SNX10: variants seen among roughly 807,000 people sequenced by gnomAD.
SNX10 encodes sorting nexin 10.
A neutral mutation model predicts 28.5 loss-of-function variants in SNX10; 25 were observed. That is an observed-to-expected ratio of 0.88 (90% CI 0.64 to 1.22). The LOEUF (loss-of-function observed/expected upper bound fraction) is 1.22, where lower values mean the gene tolerates loss of function less well. Ranked by LOEUF, SNX10 falls within the 50% of genes most tolerant of loss-of-function variation. The pLI, the probability that SNX10 is intolerant of heterozygous loss-of-function variation, is 0.00. For missense variants in SNX10, 223 were observed against 242.6 expected (o/e 0.92, Z 0.54); for synonymous variants, 62 against 81.4 (o/e 0.76, Z 1.28).
chr7:26,372,764 C>T lies in SNX10; in HGVS notation c.*192C>T, dbSNP rs930567655. ...ATTTTAGGTAAGCTTCTGTGTAAAG[C>T]TAAAAATCCTGTGAATACAATACTA... On this transcript the variant is annotated 3_prime_UTR_variant, in exon 7 of 7. Coordinates refer to ENST00000338523, the MANE Select transcript of SNX10 (RefSeq NM_013322.3). 5.1e-5 allele frequency: 26 copies of T among 510,616 alleles called. No individual in the cohort carries two copies. Among genetic ancestry groups the T allele is most frequent in the Admixed American group, 2.0e-4 (6 of 29,480 alleles). The allele number at this position is 510,616 out of a possible 1,614,324, so 31.6% of individuals were successfully genotyped here.
chr7:26,358,826 A>ATTTTTTTTTTTTTTTTT (rs1788948775), intron 2 of SNX10, among the ~76,000 whole-genome samples: 1 of 36,966 alleles, frequency 2.7e-5, no homozygotes, highest in African/African-American at 1.2e-4. Flanking sequence ...TTTTTTTTTG[A>ATTTTTTTTTTTTTTTTT]CCAAGTCTTG....
Position 26,354,989 on chromosome 7 carries a change from G to A in SNX10, c.25-5986G>A, listed in dbSNP as rs1052904577. Among the ~76,000 whole-genome samples, 6 of 152,166 alleles carry A rather than the reference G, an allele frequency of 3.9e-5. No individual in the cohort carries two copies. In the East Asian group the frequency reaches 1.2e-3, roughly 29 times the overall value. ...TTTGTGTTTGACATTTACATCTGTGGTTTGGTTGGTGTTGATTTTTGTATA... is the reference window on the plus strand; with the variant it reads ...TTTGTGTTTGACATTTACATCTGTGATTTGGTTGGTGTTGATTTTTGTATA... On this transcript the variant is annotated intron_variant, in intron 2 of 6. Coordinates refer to ENST00000338523, the MANE Select transcript of SNX10 (RefSeq NM_013322.3).
intron 2 of SNX10, among the ~76,000 whole-genome samples, chr7:26,351,587 G>A (rs1189530566): frequency 1.3e-5 from 2 of 151,388 alleles, no homozygotes; most frequent in Non-Finnish European, 2.9e-5. Flanking sequence ...ATCTCGAGTG[G>A]GATCCTGGAA....
chr7:26,354,788 C>T (rs377656132), intron 2 of SNX10, among the ~76,000 whole-genome samples: 7 of 152,176 alleles, frequency 4.6e-5, no homozygotes, highest in African/African-American at 7.2e-5. Flanking sequence ...ACCTTATTCA[C>T]GGCATCTTTT....
At position 26,332,589 on chromosome 7, in the gene SNX10, A is replaced by G. The variant is rs73283392; in HGVS notation, c.-23-13831A>G. Among the ~76,000 whole-genome samples the G allele has an allele frequency of 8.3e-3, 1,258 of 152,194 alleles. 18 individuals are homozygous for G. The highest frequency in any genetic ancestry group is 0.029 in the African/African-American group (1,186 of 41,522). On this transcript the variant is annotated intron_variant, in intron 1 of 6. Transcript: ENST00000338523. Reference sequence around the variant, plus strand: ...CATTTTTATGAAGCCTAATTTACCTATTTTTTTGTTGTTGTTGCTCATGCT... The same window carrying G: ...CATTTTTATGAAGCCTAATTTACCTGTTTTTTTGTTGTTGTTGCTCATGCT...
chr7:26,355,633 TA>T (rs1788789908), intron 2 of SNX10, among the ~76,000 whole-genome samples: 1 of 152,206 alleles, frequency 6.6e-6, no homozygotes, highest in African/African-American at 2.4e-5. Context: ...TACAAAGCTT[TA>T]AGAAGCCAGA....
chr7:26,306,976 CAA>C (rs1279739304), intron 1 of SNX10, among the ~76,000 whole-genome samples: 1 of 152,220 alleles, frequency 6.6e-6, no homozygotes. Flanking sequence ...GGTCTGGAGT[CAA>C]ATGCCTCACA....
At chr7:26,353,460 T>TGGGGG (rs371699790) in intron 2 of SNX10, among the ~76,000 whole-genome samples, 5 of 83,438 alleles carry the variant, frequency 6.0e-5, no homozygotes, top group East Asian at 3.5e-4. Flanking sequence ...TTTTTTTTTT[T>TGGGGG]GGTGGGGAGA....
At chr7:26,316,197 A>AT (rs1554351893) in intron 1 of SNX10, among the ~76,000 whole-genome samples, 1 of 150,782 alleles carries the variant, frequency 6.6e-6, no homozygotes, top group Non-Finnish European at 1.5e-5. Context: ...AAAAAAAAAA[A>AT]CAAAAAACCT....
At chr7:26,309,635 C>T (rs548422593) in intron 1 of SNX10, among the ~76,000 whole-genome samples, 1 of 152,300 alleles carries the variant, frequency 6.6e-6, no homozygotes, top group South Asian at 2.1e-4. Context: ...GAACTCTACC[C>T]CCAACCTTCA....
chr7:26,322,704 C>T (rs1787355421), intron 1 of SNX10, among the ~76,000 whole-genome samples: 1 of 152,038 alleles, frequency 6.6e-6, no homozygotes, highest in Non-Finnish European at 1.5e-5. Flanking sequence ...GGTCATTTTG[C>T]AGAATAAACA....
At chr7:26,345,300 G>C (rs544501723) in intron 1 of SNX10, among the ~76,000 whole-genome samples, 1 of 152,268 alleles carries the variant, frequency 6.6e-6, no homozygotes, top group East Asian at 1.9e-4. Context: ...CTGGACCATA[G>C]GGCACGCTTT....
chr7:26,370,989 A>G (rs1789506118), intron 5 of SNX10, among the ~76,000 whole-genome samples: 1 of 152,204 alleles, frequency 6.6e-6, no homozygotes, highest in South Asian at 2.1e-4. Flanking sequence ...TAAGATGTGC[A>G]TTTCAGAGAA....
chr7:26,357,861 G>A (rs1225717541), intron 2 of SNX10, among the ~76,000 whole-genome samples: 2 of 152,052 alleles, frequency 1.3e-5, no homozygotes, highest in African/African-American at 2.4e-5. Flanking sequence ...TGGACATGGC[G>A]TGCTCAAGGG....
chr7:26,343,562 T>C (rs1017975807), intron 1 of SNX10, among the ~76,000 whole-genome samples: 1 of 152,222 alleles, frequency 6.6e-6, no homozygotes, highest in Non-Finnish European at 1.5e-5. Context: ...ACCAGGGGAC[T>C]GCACAGCACG....
At chr7:26,321,567 C>T (rs1787309014) in intron 1 of SNX10, among the ~76,000 whole-genome samples, 1 of 152,180 alleles carries the variant, frequency 6.6e-6, no homozygotes, top group African/African-American at 2.4e-5. Context: ...CCTGCCTTGG[C>T]CACGTGTTCC....
chr7:26,302,570 C>T (rs1460149741), intron 1 of SNX10, among the ~76,000 whole-genome samples: 1 of 152,184 alleles, frequency 6.6e-6, no homozygotes, highest in East Asian at 1.9e-4. Context: ...GCCCAGGACC[C>T]TCGGGTAATA....
intron 1 of SNX10, among the ~76,000 whole-genome samples, chr7:26,292,288 T>C (rs1785955057): frequency 6.6e-6 from 1 of 151,668 alleles, no homozygotes; most frequent in African/African-American, 2.4e-5. Flanking sequence ...CAGGGAGAAA[T>C]GATCAGCGCG....
In SNX10 at chr7:26,339,464, C is replaced by T. The variant is rs114151142; in HGVS notation, c.-23-6956C>T. Among the ~76,000 whole-genome samples, 1,246 of 151,340 alleles carry T rather than the reference C, an allele frequency of 8.2e-3. 18 individuals are homozygous for T. The highest frequency in any genetic ancestry group is 0.029 in the African/African-American group (1,178 of 41,202). ...TGCAATTTTCTTACATGCCAGGTTG[C>T]ACAGTGGTGAAGTCAGGCATTTAGG... is the stretch of plus-strand genomic sequence containing the variant. On this transcript the variant is annotated intron_variant, in intron 1 of 6. Transcript: ENST00000338523.
Sources: allele counts gnomAD v4.1 joint callset (sites outside exome capture counted in the v4.1 genomes callset), GRCh38; gene constraint gnomAD v4.1.1; transcripts MANE v1.5; gene names NCBI Gene and HGNC (gene_info 2026-07-23, HGNC 2026-07-21).